ARFGEF2: variants seen among roughly 807,000 people sequenced by gnomAD.
The protein encoded by ARFGEF2 is brefeldin A-inhibited guanine nucleotide-exchange protein 2.
Under a neutral mutation model 219.9 loss-of-function variants are expected in ARFGEF2, and 74 were observed. That is an observed-to-expected ratio of 0.34 (90% CI 0.28 to 0.41). ARFGEF2 has a LOEUF of 0.41. Ranked by LOEUF, ARFGEF2 falls within the 10% of genes least tolerant of loss-of-function variation. ARFGEF2 has a pLI of 1.00. For missense variants in ARFGEF2, 1,743 were observed against 2,218.3 expected, an observed-to-expected ratio of 0.79 and a Z score of 4.30; for synonymous variants, 733 against 799.2, an observed-to-expected ratio of 0.92 and a Z score of 1.40.
At position 48,951,395 on chromosome 20, in the gene ARFGEF2, A is replaced by G; in HGVS notation, c.349A>G (p.Arg117Gly). The G allele has an allele frequency of 6.2e-7, 1 of 1,614,256 alleles. No individual in the cohort carries two copies. The highest frequency in any genetic ancestry group is 8.5e-7 in the Non-Finnish European group (1 of 1,180,040). ...SGAPGKRLID[R>G]IVETICSCFQ... Reference sequence around the variant, plus strand: ...AGCCCCTGGGAAGCGGCTGATCGACAGAATTGTTGAAACCATTTGCAGTTG... The same window carrying G: ...AGCCCCTGGGAAGCGGCTGATCGACGGAATTGTTGAAACCATTTGCAGTTG... The change falls in exon 4 of 39, where the codon AGA (arginine) becomes GGA (glycine). Residue 117 changes from arginine to glycine, a missense_variant. Physicochemically the swap from Arg to Gly is moderately radical, Grantham distance 125. Around this residue, in one of 5 missense-constraint regions of ARFGEF2, gnomAD observed 394 missense variants for 426.6 expected, o/e 0.92. Transcript: ENST00000371917.
intron 1 of ARFGEF2, among the ~76,000 whole-genome samples, chr20:48,934,286 G>A (rs2090932909): frequency 6.6e-6 from 1 of 151,884 alleles, no homozygotes; most frequent in Non-Finnish European, 1.5e-5. Flanking sequence ...CTATCTGTGA[G>A]GCACCCTGCC....
At position 49,018,987 on chromosome 20, in the gene ARFGEF2, G is replaced by A. The variant is rs1178780652; in HGVS notation, c.4613G>A (p.Arg1538Lys). ...CCAACAGATGACAGCTGGAAGGGTA[G>A]ACCATACGCAAGTAAGGCCACTTTT... ...SNPTDDSWKGRPYANQKLFAS... is the reference protein window; with the variant it reads ...SNPTDDSWKGKPYANQKLFAS... The change falls in exon 34 of 39, where the codon AGA becomes AAA. Residue 1538 changes from arginine to lysine, a missense_variant. Around this residue, in one of 5 missense-constraint regions of ARFGEF2, gnomAD observed 578 missense variants for 664.0 expected, o/e 0.87. Coordinates refer to ENST00000371917, the MANE Select transcript of ARFGEF2 (RefSeq NM_006420.3). 6.2e-7 allele frequency: 1 copy of A among 1,613,570 alleles called. No homozygotes were observed. The highest frequency in any genetic ancestry group is 8.5e-7 in the Non-Finnish European group (1 of 1,179,678).
intron 1 of ARFGEF2, among the ~76,000 whole-genome samples, chr20:48,929,428 T>A (rs1283821415): frequency 6.6e-6 from 1 of 152,188 alleles, no homozygotes; most frequent in Non-Finnish European, 1.5e-5. Context: ...CAGAAGATAT[T>A]TATTTGGGTG....
At position 48,989,630 on chromosome 20, in the gene ARFGEF2, G is replaced by A. The variant is rs890576054; in HGVS notation, c.2760G>A (p.Leu920=). 1.2e-6 allele frequency: 2 copies of A among 1,614,224 alleles called. No homozygotes were observed. The highest frequency in any genetic ancestry group is 1.7e-5 in the Admixed American group (1 of 60,032). The change falls in exon 20 of 39, where the codon TTG becomes TTA. Residue 920 remains leucine, a synonymous_variant. Transcript: ENST00000371917. ...QNCDDTEVAS[L]CLEGIRCAIR... ...GTGATGACACTGAAGTGGCCTCCTT[G>A]TGTTTGGAAGGCATCCGATGTGCAA...
intron 26 of ARFGEF2, 108 bp from the exon 27 acceptor site, chr20:49,010,124 G>A: frequency 7.3e-7 from 1 of 1,371,232 alleles, no homozygotes. Context: ...GTGGATTGCT[G>A]TGTGCTATAA....
intron 36 of ARFGEF2, among the ~76,000 whole-genome samples, chr20:49,028,095 TA>T (rs2091613653): frequency 6.6e-6 from 1 of 152,018 alleles, no homozygotes; most frequent in Non-Finnish European, 1.5e-5. Flanking sequence ...CTGTCTCTAC[TA>T]AAAATACAAA....
intron 1 of ARFGEF2, among the ~76,000 whole-genome samples, chr20:48,922,643 C>T (rs1600577242): frequency 6.6e-6 from 1 of 152,252 alleles, no homozygotes; most frequent in African/African-American, 2.4e-5. Context: ...GTATCCCTTG[C>T]GCTTGCAACA....
chr20:48,938,648 G>A (rs185179795), intron 1 of ARFGEF2, among the ~76,000 whole-genome samples: 86 of 152,194 alleles, frequency 5.7e-4, no homozygotes, highest in Middle Eastern at 3.4e-3. Context: ...CTGATCTAAC[G>A]AACACCAGAT....
chr20:48,942,054 A>G (rs1229329476), intron 3 of ARFGEF2, 67 bp downstream of exon 3: 1 of 1,603,132 alleles, frequency 6.2e-7, no homozygotes, highest in Non-Finnish European at 8.5e-7. Context: ...CTTACACAGA[A>G]CTATGCTGGG....
chr20:48,931,214 G>C (rs763825629), intron 1 of ARFGEF2, among the ~76,000 whole-genome samples: 15 of 152,220 alleles, frequency 9.9e-5, no homozygotes, highest in Non-Finnish European at 2.2e-4. Context: ...GATGTTAAAA[G>C]TATTTTGTTT....
chr20:48,944,977 G>A (rs1031220963), intron 3 of ARFGEF2, among the ~76,000 whole-genome samples: 70 of 152,142 alleles, frequency 4.6e-4, no homozygotes, highest in African/African-American at 1.6e-3. Context: ...TGAAAGCTAG[G>A]CAGTATAAGA....
rs76400436 is a variant in ARFGEF2, at chr20:48,953,521, C to G, written c.604-35C>G. On this transcript the variant is annotated intron_variant, in intron 5 of 38. Coordinates refer to ENST00000371917, the MANE Select transcript of ARFGEF2 (RefSeq NM_006420.3). ...AGGCTGGCATAATTTTTCTTCCTTA[C>G]CAAAATGCTGTATCCCCCTTTTGTT... 0.014 allele frequency: 22,236 copies of G among 1,597,462 alleles called. 194 individuals carry two copies. The highest frequency in any genetic ancestry group is 0.016 in the Non-Finnish European group (18,076 of 1,165,018).
rs1437380330 is a variant in ARFGEF2, at chr20:49,028,567, A to G, written c.4962A>G (p.Gln1654=). ...AGTCTAAACCCAATCTTCTAAAACA[A>G]GAAACCAGCAGCCTGGCCTGTTGTT... ...KGKSKPNLLK[Q]ETSSLACCLR... The change falls in exon 37 of 39, where the codon CAA becomes CAG. Residue 1654 remains glutamine (Q), a synonymous_variant. Transcript: ENST00000371917. The G allele has an allele frequency of 1.2e-6, 2 of 1,614,252 alleles. No individual in the cohort carries two copies. The highest frequency in any genetic ancestry group is 1.7e-5 in the Admixed American group (1 of 60,026).
chr20:49,005,320 TG>T, intron 26 of ARFGEF2, 99 bp downstream of exon 26: 2 of 1,434,668 alleles, frequency 1.4e-6, no homozygotes, highest in Non-Finnish European at 1.9e-6. Flanking sequence ...TTTCCTCCCT[TG>T]TCAGTGGAAA....
At chr20:48,947,319 G>C (rs1467022944) in intron 3 of ARFGEF2, among the ~76,000 whole-genome samples, 1 of 152,114 alleles carries the variant, frequency 6.6e-6, no homozygotes, top group Non-Finnish European at 1.5e-5. Context: ...AGAATCACTT[G>C]AACCCAGGAG....
At chr20:49,012,208 G>A (rs2123522467) in intron 28 of ARFGEF2, 124 bp downstream of exon 28, 1 of 1,309,276 alleles carries the variant, frequency 7.6e-7, no homozygotes, top group East Asian at 2.4e-5. Context: ...CCCTAAATTA[G>A]GTGTTTATTT....
intron 8 of ARFGEF2, among the ~76,000 whole-genome samples, chr20:48,967,544 C>T (rs543514086): frequency 2.6e-5 from 4 of 152,302 alleles, no homozygotes; most frequent in African/African-American, 7.2e-5. Flanking sequence ...GCTGGAGGAT[C>T]GCTTGAGCCC....
At chr20:48,943,452 T>C (rs2091006276) in intron 3 of ARFGEF2, among the ~76,000 whole-genome samples, 1 of 152,216 alleles carries the variant, frequency 6.6e-6, no homozygotes, top group South Asian at 2.1e-4. Flanking sequence ...TCCAGTAATA[T>C]ACAGGTAGTA....
Position 49,033,170 on chromosome 20 carries a change from G to C in ARFGEF2, c.5329G>C (p.Val1777Leu). Residue 1777 changes from valine to leucine, a missense_variant, in exon 39 of 39, where the codon GTA becomes CTA. By Grantham distance (32) the Val-to-Leu change is conservative. Transcript: ENST00000371917. ...KIWIPEEPSQ[V>L]PAALSPVW ...ATGGATACCAGAAGAGCCATCACAG[G>C]TACCAGCAGCACTGTCACCAGTGTG... 1 of 1,614,200 alleles carries C rather than the reference G, an allele frequency of 6.2e-7. No individual in the cohort carries two copies. The highest frequency in any genetic ancestry group is 1.3e-5 in the African/African-American group (1 of 75,050).
Sources: allele counts gnomAD v4.1 joint callset (sites outside exome capture counted in the v4.1 genomes callset), GRCh38; gene constraint gnomAD v4.1.1; regional missense constraint gnomAD v4.1.1; transcripts MANE v1.5; gene names NCBI Gene and HGNC (gene_info 2026-07-23, HGNC 2026-07-21).